The following NCALD variants were observed in gnomAD, a reference collection of about 807,000 sequenced individuals.
NCALD encodes the protein neurocalcin-delta.
A neutral mutation model predicts 18.6 loss-of-function variants in NCALD; 10 were observed. The ratio of observed to expected loss-of-function variants is 0.54; its 90% CI spans 0.33 to 0.91. The LOEUF is 0.91. Ranked by LOEUF, NCALD falls within the 40% of genes least tolerant of loss-of-function variation. The probability of loss-of-function intolerance (pLI) is 0.03; values close to 1 mark genes in which losing one functional copy is unlikely to be tolerated. For synonymous variants in NCALD, 88 were observed against 87.4 expected (o/e 1.01, Z -0.04); for missense variants, 184 against 247.6 (o/e 0.74, Z 1.72).
chr8:101,793,349 C>CAA (rs945645876), upstream of NCALD, among the ~76,000 whole-genome samples: 15 of 75,708 alleles, frequency 2.0e-4, no homozygotes, highest in Admixed American at 6.8e-4. Flanking sequence ...GACTCCGTCT[C>CAA]AAAAAAAAAA....
chr8:101,883,779 G>C (rs987545315), intron 4 of NCALD, among the ~76,000 whole-genome samples: 1 of 152,146 alleles, frequency 6.6e-6, no homozygotes, highest in Non-Finnish European at 1.5e-5. Context: ...CAAAAACTTA[G>C]TATAAAACCT....
Position 101,904,323 on chromosome 8 carries a change from T to C in NCALD, c.-107+11486A>G, listed in dbSNP as rs1817539250. 2.6e-5 allele frequency among the ~76,000 whole-genome samples: 4 copies of C among 152,266 alleles called. No individual in the cohort carries two copies. In the Middle Eastern group the frequency reaches 0.01, roughly 388 times the overall value. ...CCCCGCTCCCCTAATCCCTCCTTTA[T>C]ATCATGCACTCTCATAGCACAGTCT... On this transcript the variant is annotated intron_variant, in intron 3 of 6. Transcript: ENST00000311028.
At chr8:102,040,406 A>C (rs958323767) in intron 1 of NCALD, among the ~76,000 whole-genome samples, 5 of 151,674 alleles carry the variant, frequency 3.3e-5, no homozygotes, top group Non-Finnish European at 5.9e-5. Flanking sequence ...ACCGGGAAGT[A>C]GAGGTTGCTG....
intron 2 of NCALD, among the ~76,000 whole-genome samples, chr8:102,012,869 C>A (rs1821953728): frequency 6.6e-6 from 1 of 152,184 alleles, no homozygotes; most frequent in Non-Finnish European, 1.5e-5. Context: ...CAGATCACCA[C>A]ATTGCAAGGT....
chr8:101,768,120 A>G (rs761035428), intron 1 of NCALD, among the ~76,000 whole-genome samples: 4 of 152,202 alleles, frequency 2.6e-5, no homozygotes, highest in Non-Finnish European at 2.9e-5. Flanking sequence ...AACTGCTTCA[A>G]TCTAGAGCCC....
chr8:101,701,054 C>T (rs1035489599), intron 2 of NCALD, among the ~76,000 whole-genome samples: 2 of 152,174 alleles, frequency 1.3e-5, no homozygotes, highest in African/African-American at 4.8e-5. Context: ...GGTACAAGAA[C>T]GGTGAGCAGA....
chr8:101,908,274 T>C (rs1018958349), intron 3 of NCALD, among the ~76,000 whole-genome samples: 1 of 152,220 alleles, frequency 6.6e-6, no homozygotes, highest in African/African-American at 2.4e-5. Flanking sequence ...CCCGTCCCTT[T>C]TGGCATCCGG....
chr8:101,871,689 A>G (rs567725039), intron 4 of NCALD: 1 of 161,420 alleles, frequency 6.2e-6, no homozygotes, highest in African/African-American at 2.4e-5. Context: ...TCCAGCAATT[A>G]TTATTTCTAA....
At chr8:101,692,301 G>T in intron 3 of NCALD, 1 of 985,436 alleles carries the variant, frequency 1.0e-6, no homozygotes, top group Non-Finnish European at 1.2e-6. Flanking sequence ...GACTATGGGA[G>T]CCCACTGTCT....
chr8:101,740,103 C>T (rs17404560), intron 1 of NCALD, among the ~76,000 whole-genome samples: 8,212 of 152,134 alleles, frequency 0.054, 348 homozygotes, highest in Non-Finnish European at 0.077. Flanking sequence ...CTAATTTGAC[C>T]CCTGTTCCCT....
rs1434883658 is a variant in NCALD, at chr8:101,925,511, C to T, written c.-156-9653G>A. On this transcript the variant is annotated intron_variant, in intron 2 of 6. Transcript: ENST00000311028. Reference sequence around the variant, plus strand: ...CCCTCACATTCTACACTCATTCCCCCTCTCATTAGCACTTGGCTCATTAGC... The same window carrying T: ...CCCTCACATTCTACACTCATTCCCCTTCTCATTAGCACTTGGCTCATTAGC... Among the ~76,000 whole-genome samples the T allele has an allele frequency of 2.5e-4, 38 of 152,184 alleles. 1 individual carries two copies. The highest frequency in any genetic ancestry group is 2.3e-3 in the Admixed American group (35 of 15,282).
At chr8:101,951,615 A>C (rs1369408677) in intron 2 of NCALD, among the ~76,000 whole-genome samples, 1 of 152,172 alleles carries the variant, frequency 6.6e-6, no homozygotes, top group East Asian at 1.9e-4. Flanking sequence ...TGATTCCTAA[A>C]ACACTTCATG....
chr8:102,019,411 T>C (rs145171365), intron 2 of NCALD, among the ~76,000 whole-genome samples: 216 of 152,184 alleles, frequency 1.4e-3, no homozygotes, highest in South Asian at 2.7e-3. Context: ...GATCCAGAAA[T>C]TCCCCTCCTG....
intron 1 of NCALD, among the ~76,000 whole-genome samples, chr8:102,055,850 T>A (rs2132239098): frequency 6.6e-6 from 1 of 152,350 alleles, no homozygotes; most frequent in Admixed American, 6.5e-5. Flanking sequence ...TGGGTCTTGA[T>A]GAACTAAACT....
chr8:102,069,646 T>G (rs1824117568), intron 1 of NCALD, among the ~76,000 whole-genome samples: 1 of 152,174 alleles, frequency 6.6e-6, no homozygotes, highest in South Asian at 2.1e-4. Context: ...AACAAAGAAC[T>G]GGTTATTTTA....
At chr8:101,985,691 C>T (rs16868856) in intron 2 of NCALD, among the ~76,000 whole-genome samples, 4,064 of 152,218 alleles carry the variant, frequency 0.027, 88 homozygotes, top group East Asian at 0.09. Flanking sequence ...AGAAAACCAG[C>T]GGGCATTCCA....
chr8:102,072,081 A>G (rs1824194935), intron 1 of NCALD, among the ~76,000 whole-genome samples: 2 of 152,240 alleles, frequency 1.3e-5, no homozygotes, highest in African/African-American at 2.4e-5. Flanking sequence ...ACCTACTATA[A>G]AACTATAGTT....
chr8:101,760,713 A>G (rs1250456848), intron 1 of NCALD, among the ~76,000 whole-genome samples: 1 of 152,202 alleles, frequency 6.6e-6, no homozygotes, highest in African/African-American at 2.4e-5. Context: ...TATTGAATCT[A>G]TCTCACTTGC....
intron 1 of NCALD, among the ~76,000 whole-genome samples, chr8:101,777,028 C>T (rs927546546): frequency 1.3e-5 from 2 of 152,052 alleles, no homozygotes; most frequent in Non-Finnish European, 2.9e-5. Flanking sequence ...CACCAGTCTC[C>T]CCCCAAAAGA....
Sources: gnomAD v4.1 joint callset for allele counts (sites outside exome capture counted in the v4.1 genomes callset) on GRCh38, gnomAD v4.1.1 for gene constraint, MANE v1.5 for transcripts, NCBI Gene and HGNC (gene_info 2026-07-23, HGNC 2026-07-21) for gene names.